ATL1: variants seen among roughly 807,000 people sequenced by gnomAD.
The protein encoded by ATL1 is atlastin GTPase 1, also known as atlastin-1.
A neutral mutation model predicts 75.5 loss-of-function variants in ATL1; 31 were observed. The ratio of observed to expected loss-of-function variants is 0.41; its 90% confidence interval spans 0.31 to 0.55. The LOEUF (loss-of-function observed/expected upper bound fraction) is 0.55, where lower values mean the gene tolerates loss of function less well. Ranked by LOEUF, ATL1 falls within the 20% of genes least tolerant of loss-of-function variation. The probability of loss-of-function intolerance (pLI) is 0.27; values close to 1 mark genes in which losing one functional copy is unlikely to be tolerated. For synonymous variants in ATL1, 226 were observed against 233.3 expected (o/e 0.97, Z 0.28); for missense variants, 405 against 662.6 (o/e 0.61, Z 4.27).
intron 1 of ATL1, among the ~76,000 whole-genome samples, chr14:50,584,828 A>G (rs1040977900): frequency 6.6e-6 from 1 of 151,974 alleles, no homozygotes; most frequent in Non-Finnish European, 1.5e-5. Context: ...TTAACCATAA[A>G]AGAAAATATT....
chr14:50,626,398 G>C (rs564321208), intron 11 of ATL1, among the ~76,000 whole-genome samples: 1 of 152,220 alleles, frequency 6.6e-6, no homozygotes, highest in Non-Finnish European at 1.5e-5. Flanking sequence ...GGATGACTTT[G>C]AGAGGGGTCC....
At chr14:50,604,636 C>T (rs189408393) in intron 6 of ATL1, among the ~76,000 whole-genome samples, 1 of 152,076 alleles carries the variant, frequency 6.6e-6, no homozygotes, top group Admixed American at 6.6e-5. Flanking sequence ...GAACTATATC[C>T]AAACAATATT....
At chr14:50,542,006 C>CAAAAAAA (rs59075218) in intron 1 of ATL1, among the ~76,000 whole-genome samples, 16 of 62,480 alleles carry the variant, frequency 2.6e-4, no homozygotes, top group African/African-American at 4.8e-4. Flanking sequence ...GATTCCGTCT[C>CAAAAAAA]AAAAAAAAAA....
intron 8 of ATL1, among the ~76,000 whole-genome samples, chr14:50,619,478 C>T (rs1004625532): frequency 5.9e-5 from 9 of 152,336 alleles, no homozygotes; most frequent in Middle Eastern, 6.8e-3. Context: ...GCCGGGATTA[C>T]AGGTGGGAGC....
chr14:50,628,194 T>C lies in ATL1; in HGVS notation c.1283T>C (p.Leu428Pro), dbSNP rs1327024358. The C allele has an allele frequency of 1.2e-6, 2 of 1,614,016 alleles. No individual in the cohort carries two copies. The highest frequency in any genetic ancestry group is 1.3e-5 in the African/African-American group (1 of 74,906). The change falls in exon 12 of 14, where the codon CTT becomes CCT. Residue 428 changes from leucine (L) to proline (P), a missense_variant. This residue lies in a region of ATL1 where 163 missense variants were observed against 244.1 expected (regional missense o/e 0.67). Transcript: ENST00000358385. ...CAGTTGGAGAGTGAAATAGATGAAC[T>C]TTACATCCAATATATCAAGCACAAT... ...LQQLESEIDE[L>P]YIQYIKHNDS...
At chr14:50,579,509 A>T (rs2039037197) in intron 1 of ATL1, among the ~76,000 whole-genome samples, 1 of 152,196 alleles carries the variant, frequency 6.6e-6, no homozygotes, top group African/African-American at 2.4e-5. Flanking sequence ...ATAAAGATTT[A>T]TGCAACAGAG....
At chr14:50,618,490 C>T (rs3015443) in intron 8 of ATL1, among the ~76,000 whole-genome samples, 120,811 of 152,144 alleles carry the variant, frequency 0.79, 48,690 homozygotes, top group African/African-American at 0.93. Context: ...CTGTAAATCA[C>T]GGTCACTAGA....
intron 1 of ATL1, among the ~76,000 whole-genome samples, chr14:50,549,060 C>T (rs550575993): frequency 1.2e-4 from 18 of 152,168 alleles, no homozygotes; most frequent in African/African-American, 4.3e-4. Flanking sequence ...GTGTACTAGT[C>T]CTTAAAGTCA....
intron 1 of ATL1, among the ~76,000 whole-genome samples, chr14:50,577,222 C>T (rs1362353491): frequency 6.6e-6 from 1 of 152,058 alleles, no homozygotes; most frequent in Non-Finnish European, 1.5e-5. Flanking sequence ...GCCACCATGC[C>T]CAGCTAATTT....
chr14:50,615,756 A>G (rs1290577957), intron 8 of ATL1, among the ~76,000 whole-genome samples: 4 of 152,228 alleles, frequency 2.6e-5, no homozygotes, highest in Non-Finnish European at 4.4e-5. Flanking sequence ...ACATAAAGAA[A>G]GCCTTCTTAC....
At chr14:50,591,261 C>T (rs907621853) in intron 3 of ATL1, among the ~76,000 whole-genome samples, 186 bp downstream of exon 3, 2 of 152,092 alleles carry the variant, frequency 1.3e-5, no homozygotes, top group Admixed American at 6.5e-5. Flanking sequence ...GAAATTATAA[C>T]GATGATAGAA....
At chr14:50,565,950 G>T (rs1290448100) in intron 1 of ATL1, among the ~76,000 whole-genome samples, 1 of 152,082 alleles carries the variant, frequency 6.6e-6, no homozygotes, top group East Asian at 1.9e-4. Context: ...TCAATATTTT[G>T]TCACTCCTTG....
intron 1 of ATL1, among the ~76,000 whole-genome samples, chr14:50,536,054 G>A (rs553572488): frequency 6.6e-5 from 10 of 152,296 alleles, no homozygotes; most frequent in African/African-American, 1.7e-4. Context: ...GTGAGGCTTC[G>A]CAGCCACATG....
rs560686880 is a variant in ATL1, at chr14:50,575,512, T to C, written c.35-12319T>C. 2.6e-4 allele frequency among the ~76,000 whole-genome samples: 39 copies of C among 152,300 alleles called. 1 individual carries two copies. The highest frequency in any genetic ancestry group is 7.4e-5 in the Non-Finnish European group (5 of 67,996). On this transcript the variant is annotated intron_variant, in intron 1 of 13. Transcript: ENST00000358385. ...GTTTCCTTATCTCTGTTTGTCTCTGTATAAACTCTTTTGCTGTTACTTTGG... is the reference window on the plus strand; with the variant it reads ...GTTTCCTTATCTCTGTTTGTCTCTGCATAAACTCTTTTGCTGTTACTTTGG...
At chr14:50,610,871 GT>G (rs1471447463) in intron 6 of ATL1, among the ~76,000 whole-genome samples, 1 of 152,068 alleles carries the variant, frequency 6.6e-6, no homozygotes, top group Non-Finnish European at 1.5e-5. Context: ...TTTCCGTCTA[GT>G]TCCCCTTCTA....
chr14:50,560,194 A>G lies in ATL1; in HGVS notation c.-72A>G. On this transcript the variant is annotated 5_prime_UTR_variant, in exon 1 of 14. Transcript: ENST00000358385. ...CGCGGGCACGGAGCCTCCCACCGCC[A>G]GCAACCTGCGGCCCCGGAGAAGGCA... 6.3e-7 allele frequency: 1 copy of G among 1,591,284 alleles called. No homozygotes were observed. Among genetic ancestry groups the G allele is most frequent in the Non-Finnish European group, 8.6e-7 (1 of 1,165,614 alleles).
At chr14:50,615,034 TG>T (rs1358738457) in intron 8 of ATL1, among the ~76,000 whole-genome samples, 1 of 152,128 alleles carries the variant, frequency 6.6e-6, no homozygotes, top group East Asian at 1.9e-4. Context: ...TTTCAAATAG[TG>T]TATACTTATA....
intron 1 of ATL1, among the ~76,000 whole-genome samples, chr14:50,543,088 G>A (rs553219487): frequency 1.3e-5 from 2 of 152,334 alleles, no homozygotes; most frequent in East Asian, 1.9e-4. Flanking sequence ...AGTTATACAA[G>A]AAGATCTGTT....
At chr14:50,572,266 A>G (rs1360891047) in intron 1 of ATL1, 1 of 199,896 alleles carries the variant, frequency 5.0e-6, no homozygotes, top group Admixed American at 6.1e-5. Flanking sequence ...TTTCCTTTTT[A>G]AAAAAAATTC....
Sources: gnomAD v4.1 joint callset for allele counts (sites outside exome capture counted in the v4.1 genomes callset) on GRCh38, gnomAD v4.1.1 for gene constraint, gnomAD v4.1.1 regional missense constraint, MANE v1.5 for transcripts, NCBI Gene and HGNC (gene_info 2026-07-23, HGNC 2026-07-21) for gene names.